The following KLHL25 variants were observed in gnomAD, a reference collection of about 807,000 sequenced individuals.
The protein encoded by KLHL25 is kelch-like protein 25.
KLHL25 carries 41 observed loss-of-function variants against 30.0 expected under a neutral mutation model. That is an observed-to-expected ratio of 1.37 (90% confidence interval 1.07 to 1.78). KLHL25 has a LOEUF of 1.78. Among genes scored for constraint, KLHL25 ranks in the 40% most tolerant of loss-of-function variants. The pLI, the probability that KLHL25 is intolerant of heterozygous loss-of-function variation, is 0.00. For synonymous variants in KLHL25, 399 were observed against 355.3 expected (o/e 1.12, Z -1.38); for missense variants, 971 against 824.5 (o/e 1.18, Z -2.18).
At chr15:85,786,109 C>CTT (rs1037897578) in intron 1 of KLHL25, among the ~76,000 whole-genome samples, 3 of 152,228 alleles carry the variant, frequency 2.0e-5, no homozygotes, top group African/African-American at 7.2e-5. Context: ...TCCCCTTTCC[C>CTT]TTCTCCTGCT....
intron 2 of KLHL25, among the ~76,000 whole-genome samples, chr15:85,767,773 AACC>A (rs2151805844): frequency 6.6e-6 from 1 of 152,288 alleles, no homozygotes; most frequent in East Asian, 1.9e-4. Flanking sequence ...CATGTTTGGG[AACC>A]ACCATGTTGG....
At chr15:85,786,499 G>C (rs186360112) in intron 1 of KLHL25, among the ~76,000 whole-genome samples, 2 of 152,368 alleles carry the variant, frequency 1.3e-5, no homozygotes. Flanking sequence ...GGTTTAGTCT[G>C]TGGTGGCCAC....
chr15:85,765,703 A>G (rs1439483474), intron 2 of KLHL25, among the ~76,000 whole-genome samples: 1 of 151,508 alleles, frequency 6.6e-6, no homozygotes, highest in Non-Finnish European at 1.5e-5. Flanking sequence ...GCGGTGGCAC[A>G]CGTCTGTAAT....
In KLHL25 at chr15:85,769,695, A is replaced by G; in HGVS notation, c.116T>C (p.Leu39Pro). The change falls in exon 2 of 3, where the codon CTT becomes CCT. Residue 39 changes from leucine (L) to proline (P), a missense_variant. Physicochemically the swap from Leu to Pro is moderately conservative, Grantham distance 98. Transcript: ENST00000337975. The part of the protein sequence containing the change: ...PDCVLAHLNT[L>P]RKHCMFTDVT... ...GTCGGTGAACATGCAGTGCTTGCGAAGCGTGTTGAGGTGGGCCAGCACACA... is the reference window on the plus strand; with the variant it reads ...GTCGGTGAACATGCAGTGCTTGCGAGGCGTGTTGAGGTGGGCCAGCACACA... 2 of 1,613,934 alleles carry G rather than the reference A, an allele frequency of 1.2e-6. No individual in the cohort carries two copies. The highest frequency in any genetic ancestry group is 1.3e-5 in the African/African-American group (1 of 75,054).
At chr15:85,772,613 C>T (rs1001483656) in intron 1 of KLHL25, among the ~76,000 whole-genome samples, 1 of 152,172 alleles carries the variant, frequency 6.6e-6, no homozygotes, top group Non-Finnish European at 1.5e-5. Context: ...GGGCTGCCTG[C>T]GAGAGTACCC....
At chr15:85,771,805 T>C (rs1399122287) in intron 1 of KLHL25, among the ~76,000 whole-genome samples, 1 of 152,194 alleles carries the variant, frequency 6.6e-6, no homozygotes, top group East Asian at 1.9e-4. Context: ...CTCACTATTA[T>C]TTTCTTGTAA....
At chr15:85,776,338 A>G (rs1701411604) in intron 1 of KLHL25, among the ~76,000 whole-genome samples, 1 of 151,826 alleles carries the variant, frequency 6.6e-6, no homozygotes, top group Admixed American at 6.6e-5. Context: ...AAAGTATAAA[A>G]ATTAGCTGGG....
intron 1 of KLHL25, among the ~76,000 whole-genome samples, chr15:85,783,423 G>C (rs2089758151): frequency 2.6e-5 from 4 of 151,938 alleles, no homozygotes; most frequent in Non-Finnish European, 5.9e-5. Context: ...CAGGAGTGAT[G>C]GTTCATGCCT....
chr15:85,770,952 C>T (rs1213999031), intron 1 of KLHL25: 2 of 222,660 alleles, frequency 9.0e-6, no homozygotes, highest in African/African-American at 4.7e-5. Flanking sequence ...GAACTCAAGG[C>T]TCAGCCAACA....
In KLHL25 at chr15:85,768,727, C is replaced by T. The variant is rs538169454; in HGVS notation, c.1084G>A (p.Asp362Asn). 28 of 1,613,418 alleles carry T rather than the reference C, an allele frequency of 1.7e-5. No homozygotes were observed. In the African/African-American group the frequency reaches 2.4e-4, roughly 14 times the overall value. ...NGVSKDVWVY[D>N]TVHEEWSKAA... ...TTGGACCATTCCTCATGTACGGTGTCGTACACCCAGACATCCTTGGAGACC... is the reference window on the plus strand; with the variant it reads ...TTGGACCATTCCTCATGTACGGTGTTGTACACCCAGACATCCTTGGAGACC... Residue 362 changes from aspartate to asparagine, a missense_variant, in exon 2 of 3, where the codon GAC (aspartate) becomes AAC (asparagine). Physicochemically the swap from Asp to Asn is conservative, Grantham distance 23. Transcript: ENST00000337975.
intron 1 of KLHL25, among the ~76,000 whole-genome samples, chr15:85,791,841 A>G (rs977247949): frequency 2.0e-5 from 3 of 152,234 alleles, no homozygotes; most frequent in East Asian, 1.9e-4. Context: ...ACAAAGCTCA[A>G]TGAGGTTAAG....
At chr15:85,764,592 G>A (rs2089606357) in intron 2 of KLHL25, 1 of 152,264 alleles carries the variant, frequency 6.6e-6, no homozygotes, top group Non-Finnish European at 1.5e-5. Context: ...TGGAGCTGAT[G>A]ACAGCAATCC....
intron 1 of KLHL25, 90 bp from the exon 2 acceptor site, chr15:85,769,910 C>T (rs1418196183): frequency 9.4e-7 from 1 of 1,059,984 alleles, no homozygotes; most frequent in African/African-American, 1.6e-5. Context: ...CCCCCTTGTC[C>T]CCTCCCACCC....
At chr15:85,792,941 G>A (rs1014560524) in intron 1 of KLHL25, among the ~76,000 whole-genome samples, 2 of 152,114 alleles carry the variant, frequency 1.3e-5, no homozygotes, top group Non-Finnish European at 2.9e-5. Flanking sequence ...AGAGTCTCCA[G>A]CACCTAACTC....
chr15:85,770,581 A>G, intron 1 of KLHL25: 1 of 532,410 alleles, frequency 1.9e-6, no homozygotes, highest in South Asian at 1.4e-5. Context: ...AGCTGGGGCA[A>G]GTGATGGCTT....
At chr15:85,781,190 G>GC (rs1296364558) in intron 1 of KLHL25, among the ~76,000 whole-genome samples, 1 of 152,172 alleles carries the variant, frequency 6.6e-6, no homozygotes, top group Non-Finnish European at 1.5e-5. Context: ...CTACTCAGGA[G>GC]CCCGTATCCC....
chr15:85,785,735 G>A (rs1178939536), intron 1 of KLHL25, among the ~76,000 whole-genome samples: 1 of 152,144 alleles, frequency 6.6e-6, no homozygotes, highest in African/African-American at 2.4e-5. Context: ...AGCCTCCCAC[G>A]GCTTAGCTAA....
In KLHL25 at chr15:85,768,990, G is replaced by C. The variant is rs2089647799; in HGVS notation, c.821C>G (p.Thr274Ser). The C allele has an allele frequency of 1.2e-6, 2 of 1,612,540 alleles. No individual in the cohort carries two copies. The highest frequency in any genetic ancestry group is 1.7e-6 in the Non-Finnish European group (2 of 1,180,004). ...CACGCCATCATTCTGCAGGATCCTG[G>C]TCTTGCAGCGCAGGGCCTCATCCAT... is the stretch of plus-strand genomic sequence containing the variant. ...LIMDEALRCK[T>S]RILQNDGVVT... The change falls in exon 2 of 3, where the codon ACC (threonine) becomes AGC (serine). Residue 274 changes from threonine (T) to serine (S), a missense_variant. Transcript: ENST00000337975.
intron 1 of KLHL25, among the ~76,000 whole-genome samples, chr15:85,772,983 C>T (rs149445213): frequency 1.7e-3 from 256 of 152,386 alleles, no homozygotes; most frequent in Middle Eastern, 3.4e-3. Context: ...TTCTGGGCAG[C>T]GCCTGCCCCT....
Sources: allele counts gnomAD v4.1 joint callset (sites outside exome capture counted in the v4.1 genomes callset), GRCh38; gene constraint gnomAD v4.1.1; transcripts MANE v1.5; gene names NCBI Gene and HGNC (gene_info 2026-07-23, HGNC 2026-07-21).